The following IL7 variants were observed in gnomAD, a reference collection of about 807,000 sequenced individuals.
The protein encoded by IL7 is interleukin-7.
In IL7, 3 loss-of-function variants were observed where a neutral mutation model predicts 21.6. That is an observed-to-expected ratio of 0.14 (90% CI 0.06 to 0.36). The LOEUF (loss-of-function observed/expected upper bound fraction) is 0.36. Ranked by LOEUF, IL7 falls within the 10% of genes least tolerant of loss-of-function variation. The pLI is 1.00. For synonymous variants in IL7, 62 were observed against 68.1 expected, an observed-to-expected ratio of 0.91 and a Z score of 0.44; for missense variants, 175 against 200.2, an observed-to-expected ratio of 0.87 and a Z score of 0.76.
At chr8:78,703,536 C>CTT (rs35710652) in intron 3 of IL7, among the ~76,000 whole-genome samples, 3,547 of 139,680 alleles carry the variant, frequency 0.025, 88 homozygotes, top group African/African-American at 0.065. Context: ...TAATACCCTT[C>CTT]TTTTTTTTTT....
At chr8:78,767,304 G>C (rs1309596373) in intron 2 of IL7, among the ~76,000 whole-genome samples, 2 of 151,730 alleles carry the variant, frequency 1.3e-5, no homozygotes, top group African/African-American at 4.8e-5. Context: ...TGAACAATCA[G>C]GTTAATTTTG....
chr8:78,765,592 A>T (rs753496502), intron 2 of IL7, among the ~76,000 whole-genome samples: 6 of 152,154 alleles, frequency 3.9e-5, no homozygotes, highest in Non-Finnish European at 8.8e-5. Context: ...ATTCAACAGC[A>T]TATGCCATCA....
downstream of IL7, among the ~76,000 whole-genome samples, chr8:78,730,063 C>G (rs1811398315): frequency 1.3e-5 from 2 of 151,894 alleles, no homozygotes; most frequent in Non-Finnish European, 2.9e-5. Flanking sequence ...ATAATTTAAA[C>G]AACTAAATTT....
At chr8:78,717,443 G>T, downstream of IL7, 1 of 1,604,960 alleles carries the variant, frequency 6.2e-7, no homozygotes, top group African/African-American at 1.3e-5. Flanking sequence ...ATACCCTGTA[G>T]AATGGGCCAA....
chr8:78,786,159 G>A (rs1201275390), intron 2 of IL7, among the ~76,000 whole-genome samples: 1 of 152,154 alleles, frequency 6.6e-6, no homozygotes, highest in Non-Finnish European at 1.5e-5. Context: ...GCCATTAGAT[G>A]ATTTCATCAT....
chr8:78,716,330 A>G (rs1811101565), downstream of IL7, among the ~76,000 whole-genome samples: 1 of 151,610 alleles, frequency 6.6e-6, no homozygotes. Flanking sequence ...TCACCATGTT[A>G]GCCACGATGG....
chr8:78,734,690 ATT>A (rs1408413939), intron 5 of IL7, among the ~76,000 whole-genome samples: 1 of 152,194 alleles, frequency 6.6e-6, no homozygotes, highest in African/African-American at 2.4e-5. Context: ...TATAAAAACT[ATT>A]ATAACTAGTT....
At chr8:78,692,217 G>T (rs1309699922) in intron 3 of IL7, among the ~76,000 whole-genome samples, 1 of 151,948 alleles carries the variant, frequency 6.6e-6, no homozygotes, top group African/African-American at 2.4e-5. Context: ...TTTAGCCTCT[G>T]GTACTACCAT....
intron 5 of IL7, among the ~76,000 whole-genome samples, chr8:78,735,344 A>G (rs1035682428): frequency 8.3e-6 from 1 of 120,668 alleles, no homozygotes; most frequent in African/African-American, 3.3e-5. Context: ...ACGGAGTCCC[A>G]CTCTGTTGCC....
At chr8:78,801,780 A>G (rs1490137612) in intron 1 of IL7, among the ~76,000 whole-genome samples, 1 of 152,186 alleles carries the variant, frequency 6.6e-6, no homozygotes, top group Non-Finnish European at 1.5e-5. Context: ...AAATTGCCTC[A>G]CGGACAATGC....
downstream of IL7, among the ~76,000 whole-genome samples, chr8:78,714,413 G>A (rs1811036279): frequency 6.6e-6 from 1 of 152,074 alleles, no homozygotes; most frequent in African/African-American, 2.4e-5. Flanking sequence ...AATAGTATTA[G>A]CATCAGCTAT....
chr8:78,771,762 C>T (rs1339531079), intron 2 of IL7, among the ~76,000 whole-genome samples: 1 of 152,020 alleles, frequency 6.6e-6, no homozygotes, highest in Non-Finnish European at 1.5e-5. Flanking sequence ...ATTCTTCAGC[C>T]TGGAGGATTC....
At chr8:78,714,715 T>C (rs946388040), downstream of IL7, among the ~76,000 whole-genome samples, 24 of 152,212 alleles carry the variant, frequency 1.6e-4, no homozygotes, top group African/African-American at 5.5e-4. Flanking sequence ...ATTAAATCTT[T>C]AAAGGGAATA....
chr8:78,801,444 C>G (rs966648965), intron 1 of IL7, among the ~76,000 whole-genome samples: 3 of 152,104 alleles, frequency 2.0e-5, no homozygotes, highest in African/African-American at 7.2e-5. Context: ...AAAACAGACT[C>G]TACTTGGGAG....
chr8:78,774,354 T>A (rs1457564071), intron 2 of IL7, among the ~76,000 whole-genome samples: 1 of 152,132 alleles, frequency 6.6e-6, no homozygotes, highest in Non-Finnish European at 1.5e-5. Flanking sequence ...AATAAGTATA[T>A]ATTAATTATA....
downstream of IL7, among the ~76,000 whole-genome samples, chr8:78,731,515 A>G (rs942921464): frequency 6.6e-6 from 1 of 151,984 alleles, no homozygotes; most frequent in African/African-American, 2.4e-5. Context: ...CACATCAAAA[A>G]TAAGTATCTT....
At chr8:78,750,608 G>A (rs924973273) in intron 2 of IL7, among the ~76,000 whole-genome samples, 1 of 152,314 alleles carries the variant, frequency 6.6e-6, no homozygotes, top group East Asian at 1.9e-4. Context: ...CAGATCACGA[G>A]GTCAGGAGAT....
intron 3 of IL7, among the ~76,000 whole-genome samples, chr8:78,694,397 C>A (rs1281399102): frequency 6.6e-6 from 1 of 151,654 alleles, no homozygotes; most frequent in Non-Finnish European, 1.5e-5. Context: ...TTCATGCCTT[C>A]TTCCAGAGAA....
chr8:78,729,931 G>A (rs1379588301), downstream of IL7, among the ~76,000 whole-genome samples: 4 of 151,928 alleles, frequency 2.6e-5, no homozygotes, highest in Non-Finnish European at 5.9e-5. Context: ...AGAGTTACTT[G>A]TTGAGCTGAG....
Sources: allele counts gnomAD v4.1 joint callset (sites outside exome capture counted in the v4.1 genomes callset), GRCh38; gene constraint gnomAD v4.1.1; transcripts MANE v1.5; gene names NCBI Gene and HGNC (gene_info 2026-07-23, HGNC 2026-07-21).